PRKCZ: variants seen among roughly 807,000 people sequenced by gnomAD.
PRKCZ encodes protein kinase C zeta, also known as protein kinase C zeta type.
A neutral mutation model predicts 79.5 loss-of-function variants in PRKCZ; 33 were observed. That is an observed-to-expected ratio of 0.41 (90% CI 0.31 to 0.55). PRKCZ has a LOEUF of 0.55. Among genes scored for constraint, PRKCZ ranks in the 20% least tolerant of loss-of-function variants. The probability of loss-of-function intolerance (pLI) is 0.19; values close to 1 mark genes in which losing one functional copy is unlikely to be tolerated. For synonymous variants in PRKCZ, 342 were observed against 320.9 expected (o/e 1.07, Z -0.70); for missense variants, 578 against 813.5 (o/e 0.71, Z 3.52).
intron 4 of PRKCZ, among the ~76,000 whole-genome samples, chr1:2,059,873 G>A (rs1660512907): frequency 6.6e-6 from 1 of 152,280 alleles, no homozygotes; most frequent in African/African-American, 2.4e-5. Flanking sequence ...GGGCCAGGTG[G>A]GAGGCTGGAC....
chr1:2,055,915 G>A (rs1190372671), intron 2 of PRKCZ: 1 of 214,094 alleles, frequency 4.7e-6, no homozygotes, highest in Non-Finnish European at 9.3e-6. Flanking sequence ...CATATTCTAG[G>A]GACCACGGGG....
At position 2,150,414 on chromosome 1, in the gene PRKCZ, C is replaced by G. The variant is rs183377181; in HGVS notation, c.688-376C>G. On this transcript the variant is annotated intron_variant, in intron 8 of 17. Coordinates refer to ENST00000378567, the MANE Select transcript of PRKCZ (RefSeq NM_002744.6). Reference sequence around the variant, plus strand: ...ACCTTCCTTCCCCTGAGGGAGGGCACTGATCAGGAAGGATGGGCCCAGGCC... The same window carrying G: ...ACCTTCCTTCCCCTGAGGGAGGGCAGTGATCAGGAAGGATGGGCCCAGGCC... 2.1e-4 allele frequency among the ~76,000 whole-genome samples: 32 copies of G among 152,334 alleles called. No individual in the cohort carries two copies. In the East Asian group the frequency reaches 5.6e-3, roughly 27 times the overall value.
chr1:2,076,950 G>A (rs879533993), intron 4 of PRKCZ, among the ~76,000 whole-genome samples: 1 of 152,248 alleles, frequency 6.6e-6, no homozygotes, highest in South Asian at 2.1e-4. Context: ...CACCATGCTC[G>A]GGACTGGCTG....
At chr1:2,054,092 G>C (rs1659938263) in intron 1 of PRKCZ, among the ~76,000 whole-genome samples, 1 of 152,176 alleles carries the variant, frequency 6.6e-6, no homozygotes, top group African/African-American at 2.4e-5. Context: ...TGTTCTGTTT[G>C]CACTGGAGTT....
At chr1:2,085,961 G>A (rs973834073) in intron 4 of PRKCZ, among the ~76,000 whole-genome samples, 22 of 152,228 alleles carry the variant, frequency 1.4e-4, no homozygotes, top group African/African-American at 5.3e-4. Flanking sequence ...ATCATCCCAG[G>A]AGTAAGAGCT....
intron 1 of PRKCZ, among the ~76,000 whole-genome samples, chr1:2,052,050 T>A (rs1341876329): frequency 6.6e-6 from 1 of 152,146 alleles, no homozygotes; most frequent in African/African-American, 2.4e-5. Context: ...TGGTTGACGT[T>A]CTGGCTATTG....
intron 4 of PRKCZ, chr1:2,071,440 G>A: frequency 3.1e-6 from 1 of 319,556 alleles, no homozygotes; most frequent in Non-Finnish European, 6.4e-6. Context: ...CCAGGCCTGG[G>A]TGGGCGGGTT....
chr1:2,140,900 G>A (rs775904562), intron 5 of PRKCZ, among the ~76,000 whole-genome samples: 5 of 152,172 alleles, frequency 3.3e-5, no homozygotes, highest in Admixed American at 6.5e-5. Flanking sequence ...CCCAGGAGGC[G>A]GAGGCTGCAG....
intron 9 of PRKCZ, among the ~76,000 whole-genome samples, chr1:2,155,393 G>T (rs928202644): frequency 1.3e-5 from 2 of 152,048 alleles, no homozygotes; most frequent in African/African-American, 2.4e-5. Context: ...TGATGGAGAT[G>T]GTGATGACGG....
intron 10 of PRKCZ, among the ~76,000 whole-genome samples, chr1:2,162,141 C>T (rs1365839257): frequency 6.6e-6 from 1 of 152,130 alleles, no homozygotes; most frequent in Non-Finnish European, 1.5e-5. Context: ...ATTTTCTTTT[C>T]TTTTCTTTGA....
chr1:2,100,127 G>A (rs1291999065), intron 4 of PRKCZ, among the ~76,000 whole-genome samples: 2 of 152,214 alleles, frequency 1.3e-5, no homozygotes, highest in Non-Finnish European at 2.9e-5. Context: ...TGGGGAGACA[G>A]CTCAGTCTCG....
At chr1:2,068,088 G>A (rs1661269244) in intron 4 of PRKCZ, among the ~76,000 whole-genome samples, 1 of 152,362 alleles carries the variant, frequency 6.6e-6, no homozygotes, top group Non-Finnish European at 1.5e-5. Flanking sequence ...GTGAGAGGCA[G>A]CAGTACGTTC....
At chr1:2,095,633 G>A (rs1210807465) in intron 4 of PRKCZ, among the ~76,000 whole-genome samples, 2 of 151,960 alleles carry the variant, frequency 1.3e-5, no homozygotes, top group African/African-American at 2.4e-5. Flanking sequence ...GTCATGCCCT[G>A]CCCCTGTCTC....
rs1490670345 is a variant in PRKCZ at position 2,056,540 on chromosome 1, C to T, written c.250C>T (p.Arg84Cys). 1.9e-5 allele frequency: 30 copies of T among 1,613,744 alleles called. No homozygotes were observed. Among genetic ancestry groups the T allele is most frequent in the African/African-American group, 1.6e-4 (12 of 74,888 alleles). ...GCTGGAAGAGGCTTTCCGCCTGGCCCGTCAGTGCAGGGATGAAGGCCTCAT... is the reference window on the plus strand; with the variant it reads ...GCTGGAAGAGGCTTTCCGCCTGGCCTGTCAGTGCAGGGATGAAGGCCTCAT... ...MELEEAFRLA[R>C]QCRDEGLIIH... Residue 84 changes from arginine to cysteine, a missense_variant, in exon 3 of 18, where the codon CGT (arginine) becomes TGT (cysteine). Around this residue, in one of 4 missense-constraint regions of PRKCZ, gnomAD observed 228 missense variants for 211.6 expected, o/e 1.08. Coordinates refer to ENST00000378567, the MANE Select transcript of PRKCZ (RefSeq NM_002744.6).
intron 11 of PRKCZ, among the ~76,000 whole-genome samples, chr1:2,171,054 G>C (rs188114956): frequency 1.3e-5 from 2 of 152,278 alleles, no homozygotes; most frequent in African/African-American, 4.8e-5. Context: ...ATTTAGGCCG[G>C]GCGTGGTGGC....
At chr1:2,180,102 A>C (rs1036105989) in intron 16 of PRKCZ, among the ~76,000 whole-genome samples, 1 of 152,134 alleles carries the variant, frequency 6.6e-6, no homozygotes, top group Admixed American at 6.5e-5. Context: ...TCCACTACCC[A>C]GGGCCAACCT....
intron 11 of PRKCZ, 147 bp downstream of exon 11, chr1:2,169,751 G>A (rs1684065736): frequency 3.1e-6 from 1 of 320,044 alleles, no homozygotes; most frequent in South Asian, 4.4e-5. Flanking sequence ...TGTGCGCAGA[G>A]GGGAGGTGGC....
At position 2,128,293 on chromosome 1, in the gene PRKCZ, T is replaced by TGGTCACCCTGTGTAGCGGGGCCATGTC. The variant is rs1674328723; in HGVS notation, c.335-6968_335-6942dup. On this transcript the variant is annotated intron_variant, in intron 4 of 17. Transcript: ENST00000378567. The surrounding 1 kb of genome is among the most constrained non-coding windows in gnomAD (Gnocchi z 6.5). Reference sequence around the variant, plus strand: ...CCTGTGGCACTGCTTTGGGCTGTGCTGGTCACCCTGTGTAGCGGGGCCATG... The same window carrying TGGTCACCCTGTGTAGCGGGGCCATGTC: ...CCTGTGGCACTGCTTTGGGCTGTGCTGGTCACCCTGTGTAGCGGGGCCATGTCGGTCACCCTGTGTAGCGGGGCCATG... Among the ~76,000 whole-genome samples the TGGTCACCCTGTGTAGCGGGGCCATGTC allele has an allele frequency of 1.3e-5, 2 of 152,212 alleles. No homozygotes were observed. The highest frequency in any genetic ancestry group is 2.9e-5 in the Non-Finnish European group (2 of 68,026).
chr1:2,093,694 C>A (rs1665916595), intron 4 of PRKCZ, among the ~76,000 whole-genome samples: 2 of 152,110 alleles, frequency 1.3e-5, no homozygotes, highest in South Asian at 4.1e-4. Context: ...CCGCCTCTGC[C>A]CCCAAACGTG....
Sources: gnomAD v4.1 joint callset for allele counts (sites outside exome capture counted in the v4.1 genomes callset) on GRCh38, gnomAD v4.1.1 for gene constraint, gnomAD v4.1.1 regional missense constraint, Gnocchi (gnomAD v3.1) non-coding constraint, MANE v1.5 for transcripts, NCBI Gene and HGNC (gene_info 2026-07-23, HGNC 2026-07-21) for gene names.